Variants in DCLK1 observed in about 807,000 individuals in gnomAD.
The protein encoded by DCLK1 is doublecortin like kinase 1.
A neutral mutation model predicts 86.2 loss-of-function variants in DCLK1; 16 were observed. The observed-to-expected ratio is 0.19, with a 90% CI of 0.13 to 0.28. The LOEUF is 0.28. Among genes scored for constraint, DCLK1 ranks in the 10% least tolerant of loss-of-function variants. The pLI, the probability that DCLK1 is intolerant of heterozygous loss-of-function variation, is 1.00. For missense variants in DCLK1, 590 were observed against 940.2 expected (o/e 0.63, Z 4.87); for synonymous variants, 369 against 370.5 (o/e 1.00, Z 0.05).
chr13:35,987,716 C>T (rs1378436743), intron 3 of DCLK1, among the ~76,000 whole-genome samples: 1 of 152,174 alleles, frequency 6.6e-6, no homozygotes, highest in Admixed American at 6.5e-5. Flanking sequence ...CCTAACCCGC[C>T]CTGAGTAACG....
intron 4 of DCLK1, among the ~76,000 whole-genome samples, chr13:35,946,706 G>C (rs539244382): frequency 1.3e-5 from 2 of 152,314 alleles, no homozygotes; most frequent in East Asian, 3.9e-4. Context: ...AATCTTACCT[G>C]TGATAGTGCT....
chr13:35,845,965 A>G, intron 6 of DCLK1: 6 of 985,372 alleles, frequency 6.1e-6, no homozygotes, highest in African/African-American at 1.7e-5. Flanking sequence ...TAACTTCAAG[A>G]GGAATAACAT....
chr13:35,910,641 C>T (rs200656470), intron 4 of DCLK1, among the ~76,000 whole-genome samples: 2 of 152,182 alleles, frequency 1.3e-5, no homozygotes, highest in East Asian at 1.9e-4. Flanking sequence ...GATAGACCTA[C>T]AGTGAAAACT....
intron 3 of DCLK1, among the ~76,000 whole-genome samples, chr13:35,993,523 G>A (rs1678243946): frequency 1.3e-5 from 2 of 152,148 alleles, no homozygotes; most frequent in Admixed American, 6.6e-5. Context: ...AGCATGATTT[G>A]TCTTAGACTT....
chr13:35,976,517 T>G (rs1879340154), intron 3 of DCLK1, among the ~76,000 whole-genome samples: 2 of 142,290 alleles, frequency 1.4e-5, no homozygotes, highest in Admixed American at 1.5e-4. Flanking sequence ...CACTTCAGCT[T>G]CTCCGAGGTT....
At chr13:35,867,909 A>AAAG (rs1555345722) in intron 5 of DCLK1, among the ~76,000 whole-genome samples, 14 of 102,434 alleles carry the variant, frequency 1.4e-4, no homozygotes, top group Middle Eastern at 4.7e-3. Flanking sequence ...GAAAGAAAGA[A>AAAG]AAAGAAAGAA....
chr13:35,871,074 C>A (rs1461442300), intron 5 of DCLK1, 150 bp downstream of exon 5: 2 of 609,028 alleles, frequency 3.3e-6, no homozygotes, highest in Admixed American at 2.7e-5. Flanking sequence ...TAGACTCCAG[C>A]AAATCTGTTC....
intron 4 of DCLK1, among the ~76,000 whole-genome samples, chr13:35,924,250 ATCT>A (rs1170058275): frequency 1.3e-5 from 2 of 151,884 alleles, no homozygotes; most frequent in African/African-American, 4.8e-5. Flanking sequence ...GTGGGGGCAA[ATCT>A]TTTTTTTTTT....
At chr13:36,060,489 A>G (rs1205252066) in intron 3 of DCLK1, among the ~76,000 whole-genome samples, 1 of 152,196 alleles carries the variant, frequency 6.6e-6, no homozygotes, top group Non-Finnish European at 1.5e-5. Context: ...ATGTTTATCA[A>G]ACACAGACAT....
intron 8 of DCLK1, among the ~76,000 whole-genome samples, chr13:35,832,204 G>A (rs963355575): frequency 2.6e-5 from 4 of 152,156 alleles, no homozygotes; most frequent in Non-Finnish European, 5.9e-5. Flanking sequence ...GCCAAGGCAG[G>A]AGAATGGATC....
chr13:36,103,084 G>GTTGTTTGT lies in DCLK1; in HGVS notation c.723+8777_723+8784dup, dbSNP rs371717197. On this transcript the variant is annotated intron_variant, in intron 3 of 16. Transcript: ENST00000360631. ...GTGGGGTTTTGTTGTTGTTGTTATT[G>GTTGTTTGT]TTGTTTGTTTGTTTGTTTTTAAAGA... 3.3e-3 allele frequency among the ~76,000 whole-genome samples: 498 copies of GTTGTTTGT among 152,228 alleles called. 1 individual carries two copies. Among genetic ancestry groups the GTTGTTTGT allele is most frequent in the African/African-American group, 0.012 (478 of 41,528 alleles).
chr13:35,822,626 T>G (rs2087422558), intron 11 of DCLK1, 103 bp downstream of exon 11: 1 of 1,514,046 alleles, frequency 6.6e-7, no homozygotes, highest in East Asian at 2.3e-5. Flanking sequence ...AATTAACCTT[T>G]CAGGTAAATT....
intron 11 of DCLK1, 117 bp from the exon 12 acceptor site, chr13:35,811,085 G>C (rs1224442139): frequency 1.5e-6 from 2 of 1,300,946 alleles, no homozygotes; most frequent in South Asian, 2.6e-5. Context: ...AAATAAATTA[G>C]GCAATTATGC....
intron 6 of DCLK1, chr13:35,848,424 A>C (rs748486821): frequency 7.7e-5 from 76 of 985,120 alleles, no homozygotes; most frequent in Non-Finnish European, 9.0e-5. Flanking sequence ...CTTTACTTTC[A>C]AAAAGTAAAT....
intron 4 of DCLK1, among the ~76,000 whole-genome samples, chr13:35,874,808 C>A (rs1872503021): frequency 6.6e-6 from 1 of 152,208 alleles, no homozygotes; most frequent in South Asian, 2.1e-4. Flanking sequence ...CCAAGGAGAT[C>A]TCAGATTAGC....
At chr13:35,943,750 G>C (rs1051304866) in intron 4 of DCLK1, among the ~76,000 whole-genome samples, 2 of 152,146 alleles carry the variant, frequency 1.3e-5, no homozygotes, top group Admixed American at 6.5e-5. Context: ...CCCAAGCATG[G>C]GGTGATCCTT....
At chr13:35,785,237 C>A (rs1210440742) in intron 16 of DCLK1, among the ~76,000 whole-genome samples, 5 of 152,170 alleles carry the variant, frequency 3.3e-5, no homozygotes, top group East Asian at 3.8e-4. Context: ...TGTTACAGGG[C>A]ATAGCACTTG....
In DCLK1 at chr13:35,847,833, G is replaced by A. The variant is rs1870323123; in HGVS notation, c.1035+6666C>T. On this transcript the variant is annotated intron_variant, in intron 6 of 16. Coordinates refer to ENST00000360631, the MANE Select transcript of DCLK1 (RefSeq NM_001330071.2). ...TATGCGCACAGGGATGTATACAGAT[G>A]AGAGAACCTGACACTTCTTAAAATT... The A allele has an allele frequency of 8.1e-6, 8 of 985,056 alleles. No individual in the cohort carries two copies. The South Asian group carries it at 3.8e-4, about 46-fold the overall frequency. The allele number at this position is 985,056 out of a possible 1,614,324, so 61.0% of individuals were successfully genotyped here. A position where few individuals can be genotyped will look rare whatever the true frequency, so the allele number is the denominator to read the frequency against.
intron 4 of DCLK1, among the ~76,000 whole-genome samples, chr13:35,920,665 C>G (rs7327863): frequency 6.6e-6 from 1 of 151,880 alleles, no homozygotes; most frequent in Non-Finnish European, 1.5e-5. Flanking sequence ...ACTGGTTCAT[C>G]GAAAGTTTTC....
Sources: gnomAD v4.1 joint callset for allele counts (sites outside exome capture counted in the v4.1 genomes callset) on GRCh38, gnomAD v4.1.1 for gene constraint, MANE v1.5 for transcripts, NCBI Gene and HGNC (gene_info 2026-07-23, HGNC 2026-07-21) for gene names.